SERPING1: variants seen among roughly 807,000 people sequenced by gnomAD.
SERPING1 encodes serpin family G member 1.
SERPING1 carries 5 observed loss-of-function variants against 34.1 expected under a neutral mutation model. That is an observed-to-expected ratio of 0.15 (90% confidence interval 0.08 to 0.31). The LOEUF (loss-of-function observed/expected upper bound fraction) is 0.31, where lower values mean the gene tolerates loss of function less well. SERPING1 is among the 10% of genes least tolerant of loss of function. SERPING1 has a pLI of 1.00. For missense variants in SERPING1, 505 were observed against 609.5 expected (o/e 0.83, Z 1.81); for synonymous variants, 225 against 242.4 (o/e 0.93, Z 0.67).
At chr11:57,611,652 C>CAG (rs2135324335) in intron 6 of SERPING1, 65 bp from the exon 7 acceptor site, 1 of 1,436,998 alleles carries the variant, frequency 7.0e-7, no homozygotes, top group South Asian at 1.1e-5. Flanking sequence ...AGCATTGTGA[C>CAG]AGAGGGTGGG....
intron 7 of SERPING1, among the ~76,000 whole-genome samples, chr11:57,614,037 T>C (rs1945508148): frequency 6.6e-6 from 1 of 152,126 alleles, no homozygotes; most frequent in Non-Finnish European, 1.5e-5. Flanking sequence ...CTCTGATCTA[T>C]TACCTCACTT....
At chr11:57,611,401 A>C (rs926833676) in intron 6 of SERPING1, 1 of 444,096 alleles carries the variant, frequency 2.3e-6, no homozygotes, top group Non-Finnish European at 4.2e-6. Context: ...TATGCACAAC[A>C]CATTAGGAAG....
At position 57,602,200 on chromosome 11, in the gene SERPING1, G is replaced by A. The variant is rs751335805; in HGVS notation, c.685+31G>A. 83 of 1,613,800 alleles carry A rather than the reference G, an allele frequency of 5.1e-5. No individual in the cohort carries two copies. In the Middle Eastern group the frequency reaches 1.3e-3, roughly 26 times the overall value. On this transcript the variant is annotated intron_variant, in intron 4 of 7. Transcript: ENST00000278407. ...TGCCCAGGAATGGGCAGTGTCTGCA[G>A]AGGAGGGTCCTGAGAGGACTCTGAA...
intron 2 of SERPING1, among the ~76,000 whole-genome samples, chr11:57,598,659 T>C (rs944969891): frequency 3.9e-5 from 6 of 152,048 alleles, no homozygotes; most frequent in Non-Finnish European, 7.4e-5. Flanking sequence ...GAGGATCACA[T>C]AGGGCAAGGA....
intron 4 of SERPING1, among the ~76,000 whole-genome samples, chr11:57,604,698 T>G (rs925659210): frequency 1.3e-5 from 2 of 151,272 alleles, no homozygotes; most frequent in African/African-American, 4.9e-5. Flanking sequence ...TTGTTTTTTG[T>G]TTTTTTTTAA....
At chr11:57,597,780 T>C (rs967828293) in intron 1 of SERPING1, 58 bp downstream of exon 1, 1 of 153,012 alleles carries the variant, frequency 6.5e-6, no homozygotes, top group Non-Finnish European at 1.4e-5. Context: ...AGTGAAGAGG[T>C]CTAGGGAGGG....
chr11:57,600,164 T>C lies in SERPING1; in HGVS notation c.337T>C (p.Ser113Pro). The change falls in exon 3 of 8, where the codon TCT becomes CCT. Residue 113 changes from serine (S) to proline (P), a missense_variant. Physicochemically the swap from Ser to Pro is moderately conservative, Grantham distance 74. Coordinates refer to ENST00000278407, the MANE Select transcript of SERPING1 (RefSeq NM_000062.3). ...TQPTTQLPTDSPTQPTTGSFC... is the reference protein window; with the variant it reads ...TQPTTQLPTDPPTQPTTGSFC... Reference sequence around the variant, plus strand: ...ACCAACTACCCAGCTCCCAACAGATTCTCCTACCCAGCCCACTACTGGGTC... The same window carrying C: ...ACCAACTACCCAGCTCCCAACAGATCCTCCTACCCAGCCCACTACTGGGTC... The C allele has an allele frequency of 6.2e-7, 1 of 1,612,890 alleles. No individual in the cohort carries two copies. Among genetic ancestry groups the C allele is most frequent in the African/African-American group, 1.3e-5 (1 of 74,686 alleles).
rs770505970 is a variant in SERPING1 at position 57,606,457 on chromosome 11, T to C, written c.939T>C (p.Phe313=). The change falls in exon 6 of 8, where the codon TTT becomes TTC. Residue 313 remains phenylalanine (F), a synonymous_variant. Transcript: ENST00000278407. ...CCAAGAAAACCAGAATGGAACCCTT[T>C]CACTTCAAAAACTCAGTTATAAAAG... ...FDPKKTRMEP[F]HFKNSVIKVP... is the part of the protein sequence containing the mutation. 1 of 1,614,058 alleles carries C rather than the reference T, an allele frequency of 6.2e-7. No homozygotes were observed. The highest frequency in any genetic ancestry group is 1.3e-5 in the African/African-American group (1 of 74,928).
rs1945351968 is a variant in SERPING1, at chr11:57,601,946, T to G, written c.551-89T>G. 1.6e-5 allele frequency: 21 copies of G among 1,288,504 alleles called. No individual in the cohort carries two copies. In the South Asian group the frequency reaches 2.5e-4, roughly 15 times the overall value. 79.8% of individuals were successfully genotyped at this position (1,288,504 alleles called of 1,614,324 possible). A position where few individuals can be genotyped will look rare whatever the true frequency, so the allele number is the denominator to read the frequency against. ...ATCCCCTCCAAAGCAGGGAATACCCTCCATTCCAGCCTGGTCCCCAACCCT... is the reference window on the plus strand; with the variant it reads ...ATCCCCTCCAAAGCAGGGAATACCCGCCATTCCAGCCTGGTCCCCAACCCT... On this transcript the variant is annotated intron_variant, in intron 3 of 7. Transcript: ENST00000278407.
At chr11:57,602,902 G>T (rs1247137153) in intron 4 of SERPING1, among the ~76,000 whole-genome samples, 2 of 150,172 alleles carry the variant, frequency 1.3e-5, no homozygotes, top group East Asian at 4.0e-4. Context: ...ACCAGCCTGG[G>T]CAGCATGGCG....
At chr11:57,613,351 C>T (rs1471968811) in intron 7 of SERPING1, among the ~76,000 whole-genome samples, 1 of 152,174 alleles carries the variant, frequency 6.6e-6, no homozygotes, top group South Asian at 2.1e-4. Flanking sequence ...AATTTCCCCC[C>T]GTTTCCAATG....
At chr11:57,605,894 C>T in intron 4 of SERPING1, 116 bp from the exon 5 acceptor site, 2 of 997,888 alleles carry the variant, frequency 2.0e-6, no homozygotes, top group Non-Finnish European at 3.2e-6. Context: ...CTCCACCATG[C>T]CGTATTCACT....
In SERPING1 at chr11:57,600,379, T is replaced by TAATTC. The variant is rs780912610; in HGVS notation, c.550+4_550+5insTTCAA. ...GCCTCCTTACCCAGGTCCTGCTCGG[T>TAATTC]AAGACCCTGCTTGAATTCTCTCCAG... On this transcript the variant is annotated splice_region_variant and intron_variant, in intron 3 of 7. Coordinates refer to ENST00000278407, the MANE Select transcript of SERPING1 (RefSeq NM_000062.3). 1 of 1,612,242 alleles carries TAATTC rather than the reference T, an allele frequency of 6.2e-7. No homozygotes were observed. The highest frequency in any genetic ancestry group is 1.7e-5 in the Admixed American group (1 of 60,008).
chr11:57,607,878 T>C (rs1028242875), intron 6 of SERPING1, among the ~76,000 whole-genome samples: 1 of 152,128 alleles, frequency 6.6e-6, no homozygotes, highest in African/African-American at 2.4e-5. Flanking sequence ...CAAGCTGGTC[T>C]CGAACTCCTG....
At chr11:57,601,224 C>A (rs901284000) in intron 3 of SERPING1, among the ~76,000 whole-genome samples, 1 of 151,852 alleles carries the variant, frequency 6.6e-6, no homozygotes, top group Non-Finnish European at 1.5e-5. Context: ...CATGGTGAAA[C>A]CCCGTCTCTA....
chr11:57,598,741 C>T (rs1249779538), intron 2 of SERPING1, among the ~76,000 whole-genome samples: 1 of 152,110 alleles, frequency 6.6e-6, no homozygotes, highest in Non-Finnish European at 1.5e-5. Context: ...AGAGGTTTGG[C>T]TGCTGTGACA....
intron 2 of SERPING1, 81 bp from the exon 3 acceptor site, chr11:57,599,798 C>T (rs1945326387): frequency 2.5e-6 from 4 of 1,598,064 alleles, no homozygotes; most frequent in Non-Finnish European, 3.4e-6. Context: ...CACATCCACA[C>T]CTTCTCTTCC....
At chr11:57,598,197 G>GCC in intron 1 of SERPING1, 52 bp from the exon 2 acceptor site, 1 of 1,443,614 alleles carries the variant, frequency 6.9e-7, no homozygotes, top group South Asian at 1.3e-5. Flanking sequence ...CGGGGTGGGG[G>GCC]CCCCTGGGCT....
chr11:57,601,191 G>A (rs772831016), intron 3 of SERPING1, among the ~76,000 whole-genome samples: 1 of 151,984 alleles, frequency 6.6e-6, no homozygotes, highest in African/African-American at 2.4e-5. Flanking sequence ...ACGAGGTCAG[G>A]AGTTCGAGAC....
Sources: allele counts gnomAD v4.1 joint callset (sites outside exome capture counted in the v4.1 genomes callset), GRCh38; gene constraint gnomAD v4.1.1; transcripts MANE v1.5; gene names NCBI Gene and HGNC (gene_info 2026-07-23, HGNC 2026-07-21).